ZP4: variants seen among roughly 807,000 people sequenced by gnomAD.
ZP4 encodes zona pellucida glycoprotein 4.
In ZP4, 62 loss-of-function variants were observed where a neutral mutation model predicts 62.3. That is an observed-to-expected ratio of 0.99 (90% CI 0.81 to 1.23). The LOEUF is 1.23. Ranked by LOEUF, ZP4 falls within the 50% of genes most tolerant of loss-of-function variation. The probability of loss-of-function intolerance (pLI) is 0.00; values close to 1 mark genes in which losing one functional copy is unlikely to be tolerated. For synonymous variants in ZP4, 289 were observed against 247.3 expected, an observed-to-expected ratio of 1.17 and a Z score of -1.58; for missense variants, 774 against 656.0, an observed-to-expected ratio of 1.18 and a Z score of -1.97.
intron 1 of ZP4, 114 bp downstream of exon 1, chr1:237,890,347 G>A (rs1362141506): frequency 3.4e-6 from 5 of 1,486,208 alleles, no homozygotes; most frequent in Non-Finnish European, 4.6e-6. Context: ...TTTGCAGAAA[G>A]ATGCAACAGG....
At chr1:237,882,693 A>G (rs764482673) in intron 11 of ZP4, 49 bp downstream of exon 11, 2 of 1,602,140 alleles carry the variant, frequency 1.2e-6, no homozygotes, top group Non-Finnish European at 1.7e-6. Flanking sequence ...AGTTGCTTTG[A>G]TTAGTAATTT....
chr1:237,888,618 T>C, intron 3 of ZP4, 108 bp from the exon 4 acceptor site: 1 of 1,044,484 alleles, frequency 9.6e-7, no homozygotes. Context: ...TGTAGATGAT[T>C]GAAATAGGTG....
At chr1:237,883,810 G>GGAAGAGAGAGGAA (rs1558530400) in intron 10 of ZP4, among the ~76,000 whole-genome samples, 2 of 91,494 alleles carry the variant, frequency 2.2e-5, no homozygotes, top group Non-Finnish European at 2.1e-5. Flanking sequence ...AGGAAGAGAG[G>GGAAGAGAGAGGAA]GAGAAAGGCT....
chr1:237,883,957 CACACACACAAACACACACACACACAA>C (rs1558530578), intron 10 of ZP4, among the ~76,000 whole-genome samples: 26 of 106,500 alleles, frequency 2.4e-4, no homozygotes, highest in African/African-American at 9.4e-4. Context: ...AAGAACTGGT[CACACACACAAACACACACACACACAA>C]ACACACACAC....
intron 1 of ZP4, 133 bp from the exon 2 acceptor site, chr1:237,890,309 A>G: frequency 6.6e-7 from 1 of 1,510,900 alleles, no homozygotes; most frequent in Non-Finnish European, 9.1e-7. Flanking sequence ...GATTCAGATC[A>G]GATGTAGTTA....
At chr1:237,889,018 TCTCA>T (rs1240058155) in intron 3 of ZP4, among the ~76,000 whole-genome samples, 1 of 152,166 alleles carries the variant, frequency 6.6e-6, no homozygotes, top group Non-Finnish European at 1.5e-5. Flanking sequence ...GAGGACGGGC[TCTCA>T]GTCAGGCGAG....
chr1:237,884,233 A>G (rs1289958087), intron 10 of ZP4, among the ~76,000 whole-genome samples: 2 of 152,196 alleles, frequency 1.3e-5, no homozygotes, highest in African/African-American at 4.8e-5. Context: ...ATAAAGCACC[A>G]TTTAGTTACT....
At chr1:237,885,921 G>T (rs1472389709) in intron 6 of ZP4, 35 bp from the exon 7 acceptor site, 1 of 1,612,374 alleles carries the variant, frequency 6.2e-7, no homozygotes, top group Non-Finnish European at 8.5e-7. Context: ...AGTTGGTTGT[G>T]GGAAGTGGGT....
At chr1:237,885,030 C>T in intron 9 of ZP4, 135 bp downstream of exon 9, 1 of 1,316,894 alleles carries the variant, frequency 7.6e-7, no homozygotes, top group Non-Finnish European at 1.1e-6. Flanking sequence ...TAATTAGTAA[C>T]AAGGGTTGCT....
At chr1:237,884,021 C>CACAA (rs1665028225) in intron 10 of ZP4, among the ~76,000 whole-genome samples, 1 of 58,946 alleles carries the variant, frequency 1.7e-5, no homozygotes, top group African/African-American at 7.0e-5. Flanking sequence ...CACACAAACA[C>CACAA]ACACACACAC....
Position 237,887,458 on chromosome 1 carries a change from A to G in ZP4, c.657T>C (p.Asn219=). The G allele has an allele frequency of 2.5e-6, 4 of 1,614,222 alleles. No individual in the cohort carries two copies. Among genetic ancestry groups the G allele is most frequent in the Non-Finnish European group, 3.4e-6 (4 of 1,180,026 alleles). ...CCATCACAGGGTTACACGCACTGTC[A>G]TTCCTAAGGGCCAAGCGCACAGAAT... is the stretch of plus-strand genomic sequence containing the variant. The part of the protein sequence containing the change: ...LLDSVRLALR[N]DSACNPVMAT... The change falls in exon 5 of 12, where the codon AAT becomes AAC. Residue 219 remains asparagine, a synonymous_variant. Coordinates refer to ENST00000366570, the MANE Select transcript of ZP4 (RefSeq NM_021186.5).
In ZP4 at chr1:237,887,500, C is replaced by T. The variant is rs751942173; in HGVS notation, c.615G>A (p.Ser205=). The change falls in exon 5 of 12, where the codon TCG becomes TCA. Residue 205 remains serine, a synonymous_variant. Transcript: ENST00000366570. ...GCACAGAATCCAAGAGCAGTGGTGG[C>T]GAGGTCACGTTCCGAGACACAGCAA... ...FSIAVSRNVT[S]PPLLLDSVRL... 92 of 1,614,192 alleles carry T rather than the reference C, an allele frequency of 5.7e-5. No homozygotes were observed. Among genetic ancestry groups the T allele is most frequent in the Non-Finnish European group, 6.9e-5 (81 of 1,180,032 alleles).
Position 237,882,817 on chromosome 1 carries a change from T to C in ZP4, c.1420A>G (p.Asn474Asp), listed in dbSNP as rs966571720. 6.2e-7 allele frequency: 1 copy of C among 1,613,912 alleles called. No homozygotes were observed. Among genetic ancestry groups the C allele is most frequent in the African/African-American group, 1.3e-5 (1 of 74,904 alleles). ...TTGCTAGAAACACTAGCAGTAGTGT[T>C]CTGAGAACTGTTGTCAAAATTTCTT... ...RRRNFDNSSQNTTASVSSKGP... is the reference protein window; with the variant it reads ...RRRNFDNSSQDTTASVSSKGP... Residue 474 changes from asparagine to aspartate, a missense_variant, in exon 11 of 12, where the codon AAC (asparagine) becomes GAC (aspartate). Coordinates refer to ENST00000366570, the MANE Select transcript of ZP4 (RefSeq NM_021186.5).
At chr1:237,884,386 T>A (rs569906798) in intron 10 of ZP4, among the ~76,000 whole-genome samples, 33 of 152,244 alleles carry the variant, frequency 2.2e-4, no homozygotes, top group Non-Finnish European at 2.9e-4. Flanking sequence ...AGAGACCACA[T>A]TCTAGGTCCA....
intron 10 of ZP4, among the ~76,000 whole-genome samples, chr1:237,883,836 C>T (rs974607248): frequency 7.6e-6 from 1 of 131,598 alleles, no homozygotes; most frequent in Admixed American, 7.7e-5. Context: ...TAGTAGAATA[C>T]GCCTGTAGTT....
Position 237,882,559 on chromosome 1 carries a change from G to T in ZP4, c.1496-10C>A. On this transcript the variant is annotated splice_polypyrimidine_tract_variant and intron_variant, in intron 11 of 11. Coordinates refer to ENST00000366570, the MANE Select transcript of ZP4 (RefSeq NM_021186.5). ...GAGTCTACAGGAACACCTGGAGGAT[G>T]GATGGAAAGGTAGGTTAATGTATGC... 6.3e-7 allele frequency: 1 copy of T among 1,590,046 alleles called. No homozygotes were observed. The highest frequency in any genetic ancestry group is 8.5e-7 in the Non-Finnish European group (1 of 1,171,102).
rs914971321 is a variant in ZP4, at chr1:237,885,080, G to A, written c.1311+85C>T. ...ATAGCCAGCATTAAAGGGCTTCCTTGGCTGCAGAGTAGTAGGACATGGAAA... is the reference window on the plus strand; with the variant it reads ...ATAGCCAGCATTAAAGGGCTTCCTTAGCTGCAGAGTAGTAGGACATGGAAA... On this transcript the variant is annotated intron_variant, in intron 9 of 11. Coordinates refer to ENST00000366570, the MANE Select transcript of ZP4 (RefSeq NM_021186.5). 257 of 1,540,078 alleles carry A rather than the reference G, an allele frequency of 1.7e-4. 1 individual carries two copies. The highest frequency in any genetic ancestry group is 2.2e-4 in the Non-Finnish European group (253 of 1,139,896).
At chr1:237,890,335 C>A (rs892092071) in intron 1 of ZP4, 126 bp downstream of exon 1, 51 of 1,490,930 alleles carry the variant, frequency 3.4e-5, no homozygotes, top group Non-Finnish European at 4.5e-5. Flanking sequence ...TAGACTATTT[C>A]TTTTGCAGAA....
At chr1:237,889,807 A>T (rs988010562) in intron 3 of ZP4, 60 bp downstream of exon 3, 7 of 1,462,600 alleles carry the variant, frequency 4.8e-6, no homozygotes, top group Admixed American at 3.3e-5. Flanking sequence ...GAGGACCAAG[A>T]GTACTTTCAC....
Sources: allele counts gnomAD v4.1 joint callset (sites outside exome capture counted in the v4.1 genomes callset), GRCh38; gene constraint gnomAD v4.1.1; transcripts MANE v1.5; gene names NCBI Gene and HGNC (gene_info 2026-07-23, HGNC 2026-07-21).